The following ICE1 variants were observed in gnomAD, a reference collection of about 807,000 sequenced individuals.
ICE1 encodes the protein little elongation complex subunit 1.
ICE1 carries 64 observed loss-of-function variants against 192.7 expected under a neutral mutation model. The ratio of observed to expected loss-of-function variants is 0.33; its 90% CI spans 0.27 to 0.41. ICE1 has a LOEUF of 0.41. ICE1 is among the 10% of genes least tolerant of loss of function. ICE1 has a pLI of 1.00. For synonymous variants in ICE1, 1,010 were observed against 984.5 expected (o/e 1.03, Z -0.49); for missense variants, 2,708 against 2,696.0 (o/e 1.00, Z -0.10).
At chr5:5,486,646 G>T (rs1030333905) in intron 17 of ICE1, 75 bp from the exon 18 acceptor site, 1 of 983,688 alleles carries the variant, frequency 1.0e-6, no homozygotes, top group Non-Finnish European at 1.6e-6. Flanking sequence ...TGTAAGAGAA[G>T]TGGACCTTTA....
At chr5:5,432,681 C>G (rs1282465475) in intron 1 of ICE1, among the ~76,000 whole-genome samples, 1 of 152,096 alleles carries the variant, frequency 6.6e-6, no homozygotes, top group African/African-American at 2.4e-5. Flanking sequence ...TCAACACTTG[C>G]TATTGTCTGT....
chr5:5,469,268 A>T (rs1465697116), intron 15 of ICE1, among the ~76,000 whole-genome samples: 1 of 152,256 alleles, frequency 6.6e-6, no homozygotes, highest in Non-Finnish European at 1.5e-5. Flanking sequence ...GTATATGTTT[A>T]AAAGTCTCAG....
rs974498283 is a variant in ICE1 at position 5,475,148 on chromosome 5, T to C, written c.6414-825T>C. On this transcript the variant is annotated intron_variant, in intron 16 of 18. Transcript: ENST00000296564. The stretch of plus-strand genomic sequence containing the variant: ...CAGTTATGCATGAAGAGACCAGGGC[T>C]GGTGCCCGTCAAAGATGCTTCGTCC... Among the ~76,000 whole-genome samples, 6 of 152,276 alleles carry C rather than the reference T, an allele frequency of 3.9e-5. No homozygotes were observed. In the East Asian group the frequency reaches 1.2e-3, roughly 29 times the overall value.
chr5:5,443,118 G>C (rs748461093), intron 5 of ICE1, 50 bp from the exon 6 acceptor site: 11 of 1,051,012 alleles, frequency 1.0e-5, no homozygotes, highest in African/African-American at 3.3e-5. Context: ...TATGACCAAT[G>C]GTCAGTGACT....
At chr5:5,483,365 T>C (rs1739558048) in intron 17 of ICE1, among the ~76,000 whole-genome samples, 1 of 152,182 alleles carries the variant, frequency 6.6e-6, no homozygotes, top group African/African-American at 2.4e-5. Context: ...TAAAACAAGC[T>C]TTAGGTCAGT....
Position 5,476,082 on chromosome 5 carries a change from A to AC in ICE1, c.6520+3_6520+4insC. 1 of 1,521,192 alleles carries AC rather than the reference A, an allele frequency of 6.6e-7. No individual in the cohort carries two copies. Among genetic ancestry groups the AC allele is most frequent in the Non-Finnish European group, 9.0e-7 (1 of 1,114,340 alleles). The allele number at this position is 1,521,192 out of a possible 1,614,324, so 94.2% of individuals were successfully genotyped here. A position where few individuals can be genotyped will look rare whatever the true frequency, so the allele number is the denominator to read the frequency against. ...AGCCTCAATACTGAGGCTGATTGGT[A>AC]AGTTGTCTGTTTTATTATTGTTTTT... On this transcript the variant is annotated splice_donor_region_variant and intron_variant, in intron 17 of 18. Transcript: ENST00000296564.
chr5:5,467,001 G>A (rs187860224), intron 14 of ICE1, among the ~76,000 whole-genome samples: 16 of 152,046 alleles, frequency 1.1e-4, no homozygotes, highest in Non-Finnish European at 1.6e-4. Context: ...ATTCTTTGCT[G>A]TATCAAATCA....
Position 5,436,469 on chromosome 5 carries a change from A to G in ICE1, c.136A>G (p.Asn46Asp), listed in dbSNP as rs1415309558. Reference sequence around the variant, plus strand: ...AATTACCTTGAAACAAAAAATTATCAATACAGAGTAAGTATATTTGCATGT... The same window carrying G: ...AATTACCTTGAAACAAAAAATTATCGATACAGAGTAAGTATATTTGCATGT... Reference protein sequence around the residue: ...ALITLKQKIINTDNLLTEYQK... With the variant: ...ALITLKQKIIDTDNLLTEYQK... Residue 46 changes from asparagine (N) to aspartate (D), a missense_variant, in exon 2 of 19, where the codon AAT becomes GAT. Transcript: ENST00000296564. 1.4e-6 allele frequency: 2 copies of G among 1,470,776 alleles called. No homozygotes were observed. The highest frequency in any genetic ancestry group is 1.4e-5 in the South Asian group (1 of 71,452). 91.1% of individuals were successfully genotyped at this position (1,470,776 alleles called of 1,614,324 possible).
At chr5:5,425,049 C>T (rs557793892) in intron 1 of ICE1, among the ~76,000 whole-genome samples, 2 of 152,338 alleles carry the variant, frequency 1.3e-5, no homozygotes, top group African/African-American at 4.8e-5. Flanking sequence ...CAACTGTATT[C>T]TTCTGGTTGC....
At chr5:5,477,739 A>G (rs1352746262) in intron 17 of ICE1, among the ~76,000 whole-genome samples, 1 of 152,244 alleles carries the variant, frequency 6.6e-6, no homozygotes, top group African/African-American at 2.4e-5. Flanking sequence ...CCTCAATAAA[A>G]TACCGGCAAA....
At position 5,474,219 on chromosome 5, in the gene ICE1, A is replaced by G. The variant is rs1739248232; in HGVS notation, c.6413+471A>G. On this transcript the variant is annotated intron_variant, in intron 16 of 18. Coordinates refer to ENST00000296564, the MANE Select transcript of ICE1 (RefSeq NM_015325.3). ...AGTAAGACTTCATCTCAAAAAAAAA[A>G]AAAAGAAAAAAAATGCTACCTTCAT... 2.0e-5 allele frequency among the ~76,000 whole-genome samples: 3 copies of G among 149,140 alleles called. No homozygotes were observed. The South Asian group carries it at 6.2e-4, about 31-fold the overall frequency.
chr5:5,449,244 C>T (rs1333402955), intron 10 of ICE1, among the ~76,000 whole-genome samples: 2 of 152,096 alleles, frequency 1.3e-5, no homozygotes, highest in African/African-American at 2.4e-5. Flanking sequence ...TTCCCAAATA[C>T]ATAAAGTTTC....
At chr5:5,460,350 G>A in intron 12 of ICE1, 86 bp from the exon 13 acceptor site, 1 of 889,334 alleles carries the variant, frequency 1.1e-6, no homozygotes, top group Non-Finnish European at 1.7e-6. Flanking sequence ...CAGGAAACGT[G>A]TACTTTTAAA....
At position 5,478,442 on chromosome 5, in the gene ICE1, T is replaced by C. The variant is rs561323237; in HGVS notation, c.6520+2363T>C. On this transcript the variant is annotated intron_variant, in intron 17 of 18. Transcript: ENST00000296564. ...CTCTTCAAGGAGAACTACAAACCAC[T>C]GCTCAAGGAAAAAGGACACAAATGG... Among the ~76,000 whole-genome samples the C allele has an allele frequency of 2.0e-5, 3 of 152,284 alleles. No homozygotes were observed. In the East Asian group the frequency reaches 5.8e-4, roughly 29 times the overall value.
At chr5:5,428,156 G>C (rs1737581596) in intron 1 of ICE1, among the ~76,000 whole-genome samples, 2 of 152,190 alleles carry the variant, frequency 1.3e-5, no homozygotes, top group South Asian at 2.1e-4. Context: ...ACTGGGGTTT[G>C]CCTTCCCAGC....
chr5:5,457,302 C>A, intron 11 of ICE1, 30 bp from the exon 12 acceptor site: 1 of 1,546,574 alleles, frequency 6.5e-7, no homozygotes, highest in South Asian at 1.2e-5. Context: ...ATTGTAAATA[C>A]CTGATACCTA....
Position 5,477,722 on chromosome 5 carries a change from C to T in ICE1, c.6520+1643C>T, listed in dbSNP as rs187208585. On this transcript the variant is annotated intron_variant, in intron 17 of 18. Transcript: ENST00000296564. ...CCAACGTCTCCAGTGAACATCGATG[C>T]GAAAATCCTCAATAAAATACCGGCA... Among the ~76,000 whole-genome samples, 63 of 152,234 alleles carry T rather than the reference C, an allele frequency of 4.1e-4. No individual in the cohort carries two copies. In the South Asian group the frequency reaches 4.1e-3, roughly 10 times the overall value.
At chr5:5,448,948 GA>G (rs1738331624) in intron 10 of ICE1, among the ~76,000 whole-genome samples, 1 of 152,188 alleles carries the variant, frequency 6.6e-6, no homozygotes, top group African/African-American at 2.4e-5. Context: ...ACTGCTGAGA[GA>G]AATAGAAGAC....
rs896768044 is a variant in ICE1, at chr5:5,463,290, C to T, written c.3956C>T (p.Thr1319Ile). ...TCCTCATCACATGCTTCAGAACCAA[C>T]CCCACAAGCAGCTGCCTTGGACACT... ...TGSSSHASEP[T>I]PQAAALDTEG... is the part of the protein sequence containing the mutation. The change falls in exon 13 of 19, where the codon ACC becomes ATC. Residue 1319 changes from threonine (T) to isoleucine (I), a missense_variant. Thr to Ile is a moderately conservative substitution (Grantham distance 89). Coordinates refer to ENST00000296564, the MANE Select transcript of ICE1 (RefSeq NM_015325.3). The T allele has an allele frequency of 2.2e-5, 36 of 1,613,482 alleles. No homozygotes were observed. The highest frequency in any genetic ancestry group is 2.7e-5 in the Non-Finnish European group (32 of 1,179,792).
Sources: gnomAD v4.1 joint callset for allele counts (sites outside exome capture counted in the v4.1 genomes callset) on GRCh38, gnomAD v4.1.1 for gene constraint, MANE v1.5 for transcripts, NCBI Gene and HGNC (gene_info 2026-07-23, HGNC 2026-07-21) for gene names.